The following PNPLA1 variants were observed in gnomAD, a reference collection of about 807,000 sequenced individuals.
PNPLA1 encodes the protein patatin like domain 1, omega-hydroxyceramide transacylase, also known as omega-hydroxyceramide transacylase.
PNPLA1 carries 36 observed loss-of-function variants against 51.7 expected under a neutral mutation model. The ratio of observed to expected loss-of-function variants is 0.70; its 90% CI spans 0.53 to 0.92. The LOEUF is 0.92. Ranked by LOEUF, PNPLA1 falls within the 40% of genes least tolerant of loss-of-function variation. The pLI is 0.00. For missense variants in PNPLA1, 658 were observed against 682.5 expected (o/e 0.96, Z 0.40); for synonymous variants, 293 against 280.1 (o/e 1.05, Z -0.46).
chr6:36,297,296 A>C (rs1182854486), intron 5 of PNPLA1, among the ~76,000 whole-genome samples: 6 of 152,022 alleles, frequency 3.9e-5, no homozygotes, highest in Non-Finnish European at 8.8e-5. Context: ...TTTCACCTCC[A>C]CCACCTCAGT....
At chr6:36,278,049 C>G (rs1296643601) in intron 1 of PNPLA1, among the ~76,000 whole-genome samples, 1 of 152,208 alleles carries the variant, frequency 6.6e-6, no homozygotes, top group East Asian at 1.9e-4. Context: ...CTCTGCCCCC[C>G]TTTCAGAGAG....
At chr6:36,254,822 A>T (rs150963653) in intron 1 of PNPLA1, among the ~76,000 whole-genome samples, 96 of 152,112 alleles carry the variant, frequency 6.3e-4, no homozygotes, top group Middle Eastern at 3.4e-3. Context: ...CTGGATTATC[A>T]TTTCTCTCCT....
intron 1 of PNPLA1, among the ~76,000 whole-genome samples, chr6:36,252,742 A>C (rs1023063275): frequency 4.6e-5 from 7 of 152,182 alleles, no homozygotes; most frequent in African/African-American, 1.7e-4. Context: ...TTCAGATCTG[A>C]GTGGATAGAA....
chr6:36,251,237 T>C (rs754560140), intron 1 of PNPLA1, among the ~76,000 whole-genome samples: 16 of 152,294 alleles, frequency 1.1e-4, no homozygotes, highest in Non-Finnish European at 2.1e-4. Context: ...CTTTTTGTGT[T>C]TTTGGAGACA....
chr6:36,257,859 A>C (rs1308566991), intron 1 of PNPLA1, among the ~76,000 whole-genome samples: 2 of 151,596 alleles, frequency 1.3e-5, no homozygotes, highest in South Asian at 2.1e-4. Flanking sequence ...CAGTGTAGGA[A>C]CTCTGGATTT....
intron 8 of PNPLA1, chr6:36,307,997 G>A: frequency 3.8e-6 from 1 of 266,514 alleles, no homozygotes; most frequent in East Asian, 8.2e-5. Context: ...GATGTAAATT[G>A]CTTCATAGAA....
At chr6:36,289,540 G>A (rs1372639854) in intron 1 of PNPLA1, among the ~76,000 whole-genome samples, 1 of 152,024 alleles carries the variant, frequency 6.6e-6, no homozygotes, top group African/African-American at 2.4e-5. Flanking sequence ...CCTGTAGGAG[G>A]GTGACAATTA....
chr6:36,309,413 C>T (rs1211355184), intron 8 of PNPLA1, among the ~76,000 whole-genome samples: 2 of 152,122 alleles, frequency 1.3e-5, no homozygotes, highest in African/African-American at 2.4e-5. Flanking sequence ...TGGTCACGTT[C>T]GGCCTTGGGA....
intron 8 of PNPLA1, among the ~76,000 whole-genome samples, chr6:36,309,668 C>G (rs1164775131): frequency 6.6e-6 from 1 of 152,182 alleles, no homozygotes; most frequent in Non-Finnish European, 1.5e-5. Context: ...CTGTGGGAAG[C>G]ATTGTTGTCA....
At position 36,273,251 on chromosome 6, in the gene PNPLA1, TAATAAATA is replaced by T. The variant is rs61428212; in HGVS notation, c.205+2614_205+2621del. On this transcript the variant is annotated intron_variant, in intron 1 of 8. Coordinates refer to ENST00000636260, the MANE Select transcript of PNPLA1 (RefSeq NM_001374623.1). ...CCAGACTCTGTCTCAAATAAATAAA[TAATAAATA>T]AATAAATAAATAAATAAATAAATAA... Among the ~76,000 whole-genome samples the T allele has an allele frequency of 1.8e-3, 259 of 146,620 alleles. No homozygotes were observed. In the East Asian group the frequency reaches 0.018, roughly 10 times the overall value.
At chr6:36,266,781 G>A (rs1483854576), upstream of PNPLA1, among the ~76,000 whole-genome samples, 1 of 152,222 alleles carries the variant, frequency 6.6e-6, no homozygotes, top group African/African-American at 2.4e-5. Context: ...ACTGTAAGCT[G>A]GAAGTTAGGC....
intron 1 of PNPLA1, among the ~76,000 whole-genome samples, chr6:36,284,242 T>C (rs1170042531): frequency 2.6e-5 from 4 of 152,242 alleles, no homozygotes; most frequent in Non-Finnish European, 5.9e-5. Context: ...GACAATCGGA[T>C]ATAAGCCAGT....
chr6:36,301,761 A>T (rs1771055565), intron 5 of PNPLA1, 100 bp from the exon 6 acceptor site: 1 of 1,429,740 alleles, frequency 7.0e-7, no homozygotes, highest in South Asian at 1.4e-5. Context: ...ACCTTTGAAA[A>T]GCACTGTTCC....
In PNPLA1 at chr6:36,311,835, TC is replaced by T. The variant is rs1172201377; in HGVS notation, c.1671del (p.Ser558AlafsTer14). On this transcript the variant is annotated frameshift_variant, in exon 9 of 9. Transcript: ENST00000636260. LOFTEE classifies it high-confidence loss of function. ...ETVWVTYRPH[P>X]SRIQECCPEV... is the part of the protein sequence containing the mutation. The stretch of plus-strand genomic sequence containing the variant: ...CAGTTTGGGTCACCTACAGACCTCA[TC>T]CCAGCCGGATCCAGGAATGCTGCCC... 3 of 152,770 alleles carry T rather than the reference TC, an allele frequency of 2.0e-5. No homozygotes were observed. Among genetic ancestry groups the T allele is most frequent in the African/African-American group, 7.2e-5 (3 of 41,446 alleles). The allele number at this position is 152,770 out of a possible 1,614,324, so 9.5% of individuals were successfully genotyped here.
At chr6:36,307,487 C>CA (rs1771274176) in intron 7 of PNPLA1, 100 bp from the exon 8 acceptor site, 1 of 1,369,264 alleles carries the variant, frequency 7.3e-7, no homozygotes, top group Non-Finnish European at 9.8e-7. Flanking sequence ...GGTTGAGAAC[C>CA]ACAGCGCGGG....
chr6:36,300,178 T>TGTGTGTGTGAGAGAGAGAGAGAGAGA, intron 5 of PNPLA1, among the ~76,000 whole-genome samples: 107 of 98,106 alleles, frequency 1.1e-3, no homozygotes, highest in East Asian at 2.2e-3. Context: ...TGTGTGTGTG[T>TGTGTGTGTGAGAGAGAGAGAGAGAGA]GAGAGAGAGA....
Position 36,285,242 on chromosome 6 carries a change from G to GCCC in PNPLA1, c.206-6077_206-6076insCCC, listed in dbSNP as rs1438507736. Among the ~76,000 whole-genome samples the GCCC allele has an allele frequency of 1.5e-4, 23 of 152,338 alleles. No individual in the cohort carries two copies. The East Asian group carries it at 3.3e-3, about 22-fold the overall frequency. On this transcript the variant is annotated intron_variant, in intron 1 of 8. Transcript: ENST00000636260. ...AGCATTCGTCGGCGCCTCCCCAGGG[G>GCCC]CTGCTGCGCCCCCTGCTTCCCGCGC...
chr6:36,299,625 C>T (rs774336951), intron 5 of PNPLA1, among the ~76,000 whole-genome samples: 19 of 152,168 alleles, frequency 1.2e-4, no homozygotes, highest in Non-Finnish European at 2.1e-4. Context: ...TGAGCCACTG[C>T]GCCCGGCCAA....
chr6:36,258,246 A>G (rs1423482859), intron 1 of PNPLA1, among the ~76,000 whole-genome samples: 1 of 152,164 alleles, frequency 6.6e-6, no homozygotes, highest in Non-Finnish European at 1.5e-5. Context: ...CTACTCATTT[A>G]TGGCTTCTTC....
Sources: allele counts gnomAD v4.1 joint callset (sites outside exome capture counted in the v4.1 genomes callset), GRCh38; gene constraint gnomAD v4.1.1; transcripts MANE v1.5; gene names NCBI Gene and HGNC (gene_info 2026-07-23, HGNC 2026-07-21).